Variants in TRPC4 observed in about 807,000 individuals in gnomAD.
The protein encoded by TRPC4 is transient receptor potential cation channel subfamily C member 4.
In TRPC4, 49 loss-of-function variants were observed where a neutral mutation model predicts 99.4. The ratio of observed to expected loss-of-function variants is 0.49; its 90% CI spans 0.39 to 0.63. The LOEUF is 0.63. Among genes scored for constraint, TRPC4 ranks in the 20% least tolerant of loss-of-function variants. TRPC4 has a pLI of 0.00. For synonymous variants in TRPC4, 454 were observed against 425.9 expected, an observed-to-expected ratio of 1.07 and a Z score of -0.81; for missense variants, 898 against 1,152.9, an observed-to-expected ratio of 0.78 and a Z score of 3.20.
At chr13:37,706,891 G>C (rs1954299656) in intron 3 of TRPC4, among the ~76,000 whole-genome samples, 1 of 152,158 alleles carries the variant, frequency 6.6e-6, no homozygotes, top group Non-Finnish European at 1.5e-5. Flanking sequence ...AGAAGGGCAA[G>C]ACCCAGAAGT....
chr13:37,692,437 C>A, intron 3 of TRPC4, 102 bp from the exon 4 acceptor site: 2 of 1,060,114 alleles, frequency 1.9e-6, no homozygotes, highest in Non-Finnish European at 2.7e-6. Context: ...GACAGAAATT[C>A]TGTTTCACAT....
At chr13:37,665,840 CAAAAAAAA>C (rs1168472231) in intron 5 of TRPC4, among the ~76,000 whole-genome samples, 7 of 71,028 alleles carry the variant, frequency 9.9e-5, no homozygotes, top group African/African-American at 3.5e-4. Flanking sequence ...TCAGCTGAGA[CAAAAAAAA>C]AAAAAAAAAA....
intron 3 of TRPC4, among the ~76,000 whole-genome samples, chr13:37,707,021 T>A (rs1368658316): frequency 1.3e-5 from 2 of 152,100 alleles, no homozygotes; most frequent in Non-Finnish European, 2.9e-5. Flanking sequence ...AATGAAAAAA[T>A]GAAGTTTCTA....
At position 37,746,262 on chromosome 13, in the gene TRPC4, C is replaced by T. The variant is rs1955774586; in HGVS notation, c.572G>A (p.Arg191His). Residue 191 changes from arginine to histidine, a missense_variant, in exon 3 of 11, where the codon CGT (arginine) becomes CAT (histidine). Physicochemically the swap from Arg to His is conservative, Grantham distance 29. Transcript: ENST00000379705. ...CVSSSDVDSLRHSRSRLNIYK... is the reference protein window; with the variant it reads ...CVSSSDVDSLHHSRSRLNIYK... ...GATGTTGAGTCTGGAGCGTGAGTGA[C>T]GGAGGCTGTCCACATCTGAACTGGA... The T allele has an allele frequency of 1.2e-6, 2 of 1,613,642 alleles. No homozygotes were observed. Among genetic ancestry groups the T allele is most frequent in the East Asian group, 2.2e-5 (1 of 44,786 alleles).
At chr13:37,809,949 A>G (rs1957629224) in intron 1 of TRPC4, among the ~76,000 whole-genome samples, 1 of 152,056 alleles carries the variant, frequency 6.6e-6, no homozygotes, top group Non-Finnish European at 1.5e-5. Flanking sequence ...ATTTACAACT[A>G]AAAAATGACT....
chr13:37,829,804 C>T (rs566650269), intron 1 of TRPC4, among the ~76,000 whole-genome samples: 2 of 152,110 alleles, frequency 1.3e-5, no homozygotes, highest in South Asian at 4.2e-4. Flanking sequence ...TGTCATTCAG[C>T]AATAAAAATT....
At chr13:37,723,797 C>T (rs1174686306) in intron 3 of TRPC4, among the ~76,000 whole-genome samples, 1 of 152,086 alleles carries the variant, frequency 6.6e-6, no homozygotes, top group Non-Finnish European at 1.5e-5. Context: ...TCAAGTGATC[C>T]TCCTGTCTCG....
rs528540543 is a variant in TRPC4, at chr13:37,632,627, C to T, written c.*4276G>A. Among the ~76,000 whole-genome samples the T allele has an allele frequency of 6.6e-6, 1 of 152,226 alleles. No homozygotes were observed. The highest frequency in any genetic ancestry group is 1.9e-4 in the East Asian group (1 of 5,174). On this transcript the variant is annotated 3_prime_UTR_variant, in exon 11 of 11. Transcript: ENST00000379705. ...TGTATCCAGGCTTGGTCCCATTGTC[C>T]CAATCTTAGTTCAACTGTACATTGT...
intron 4 of TRPC4, among the ~76,000 whole-genome samples, chr13:37,690,276 C>A (rs1007476792): frequency 6.6e-6 from 1 of 152,122 alleles, no homozygotes; most frequent in Non-Finnish European, 1.5e-5. Flanking sequence ...AAGGACACTT[C>A]GGACACTTAT....
intron 2 of TRPC4, among the ~76,000 whole-genome samples, chr13:37,760,136 T>G (rs1425302240): frequency 6.6e-6 from 1 of 151,996 alleles, no homozygotes; most frequent in Non-Finnish European, 1.5e-5. Flanking sequence ...GAGATTCTAC[T>G]TTCTATCAGA....
chr13:37,763,132 T>A (rs1408951430), intron 2 of TRPC4, among the ~76,000 whole-genome samples: 2 of 151,568 alleles, frequency 1.3e-5, no homozygotes, highest in Non-Finnish European at 2.9e-5. Context: ...TATATTACAC[T>A]GAAGGGGAAT....
At chr13:37,745,886 C>A in intron 3 of TRPC4, 51 bp downstream of exon 3, 1 of 1,552,814 alleles carries the variant, frequency 6.4e-7, no homozygotes, top group South Asian at 1.3e-5. Context: ...GTTTGCTTCA[C>A]TGTGATTAAA....
chr13:37,716,585 G>T (rs867079580), intron 3 of TRPC4, among the ~76,000 whole-genome samples: 6 of 152,022 alleles, frequency 3.9e-5, no homozygotes, highest in Non-Finnish European at 8.8e-5. Flanking sequence ...AGTATCTTGA[G>T]GAAGTGGTTA....
intron 3 of TRPC4, among the ~76,000 whole-genome samples, chr13:37,723,249 A>T (rs748334476): frequency 5.3e-5 from 8 of 152,198 alleles, no homozygotes; most frequent in African/African-American, 1.2e-4. Flanking sequence ...GTACGCCCAG[A>T]CAAAAAACAT....
intron 2 of TRPC4, among the ~76,000 whole-genome samples, chr13:37,753,961 A>AC (rs1012197282): frequency 7.9e-5 from 12 of 151,864 alleles, no homozygotes; most frequent in African/African-American, 2.9e-4. Context: ...ACCTCAAAGC[A>AC]CCCCCGCTAT....
intron 1 of TRPC4, among the ~76,000 whole-genome samples, chr13:37,818,859 G>A (rs1957935794): frequency 6.6e-6 from 1 of 151,882 alleles, no homozygotes; most frequent in Admixed American, 6.6e-5. Flanking sequence ...TAGATGATGG[G>A]TTGATAGGTG....
At chr13:37,820,238 A>T (rs1593254443) in intron 1 of TRPC4, among the ~76,000 whole-genome samples, 2 of 152,220 alleles carry the variant, frequency 1.3e-5, no homozygotes, top group African/African-American at 4.8e-5. Context: ...CCCAAGATTG[A>T]ACCAGGAGGA....
intron 1 of TRPC4, among the ~76,000 whole-genome samples, chr13:37,798,903 T>G (rs1957321088): frequency 6.6e-6 from 1 of 151,116 alleles, no homozygotes; most frequent in South Asian, 2.1e-4. Context: ...GTGATTATAG[T>G]GAGAGACCAT....
intron 1 of TRPC4, among the ~76,000 whole-genome samples, chr13:37,800,749 A>G (rs1266253535): frequency 6.6e-6 from 1 of 151,974 alleles, no homozygotes; most frequent in African/African-American, 2.4e-5. Flanking sequence ...CTAAATAAAA[A>G]TAATAGCTAA....
Sources: gnomAD v4.1 joint callset for allele counts (sites outside exome capture counted in the v4.1 genomes callset) on GRCh38, gnomAD v4.1.1 for gene constraint, MANE v1.5 for transcripts, NCBI Gene and HGNC (gene_info 2026-07-23, HGNC 2026-07-21) for gene names.